KCNK2: variants seen among roughly 807,000 people sequenced by gnomAD.
KCNK2 encodes the protein potassium channel subfamily K member 2.
Under a neutral mutation model 40.5 loss-of-function variants are expected in KCNK2, and 21 were observed. The observed-to-expected ratio is 0.52, with a 90% CI of 0.37 to 0.75. The LOEUF (loss-of-function observed/expected upper bound fraction) is 0.75, where lower values mean the gene tolerates loss of function less well. KCNK2 is among the 30% of genes least tolerant of loss of function. The pLI, the probability that KCNK2 is intolerant of heterozygous loss-of-function variation, is 0.00. For synonymous variants in KCNK2, 191 were observed against 202.2 expected, an observed-to-expected ratio of 0.94 and a Z score of 0.47; for missense variants, 399 against 531.6, an observed-to-expected ratio of 0.75 and a Z score of 2.45.
In KCNK2 at chr1:215,235,308, G is replaced by A. The variant is rs1034755741; in HGVS notation, c.*163G>A. The A allele has an allele frequency of 5.2e-5, 30 of 578,844 alleles. 1 individual carries two copies. In the South Asian group the frequency reaches 5.8e-4, roughly 11 times the overall value. 35.9% of individuals were successfully genotyped at this position (578,844 alleles called of 1,614,324 possible). A position where few individuals can be genotyped will look rare whatever the true frequency, so the allele number is the denominator to read the frequency against. The stretch of plus-strand genomic sequence containing the variant: ...TATCATCAAGAGAATTTGGAATTCT[G>A]AGCCAGCACTTTCTTTCTGATGATG... On this transcript the variant is annotated 3_prime_UTR_variant, in exon 7 of 7. Coordinates refer to ENST00000444842, the MANE Select transcript of KCNK2 (RefSeq NM_001017425.3).
At chr1:215,095,491 GGCACATATT>G (rs1263470427) in intron 2 of KCNK2, among the ~76,000 whole-genome samples, 1 of 152,072 alleles carries the variant, frequency 6.6e-6, no homozygotes, top group Non-Finnish European at 1.5e-5. Context: ...AGTAAATTGA[GGCACATATT>G]GTTTAACCAA....
rs554607027 is a variant in KCNK2 at position 215,015,344 on chromosome 1, C to G, written c.34+9389C>G. Among the ~76,000 whole-genome samples the G allele has an allele frequency of 4.6e-5, 7 of 152,212 alleles. No individual in the cohort carries two copies. The South Asian group carries it at 1.5e-3, about 32-fold the overall frequency. On this transcript the variant is annotated intron_variant, in intron 1 of 6. Coordinates refer to the KCNK2 transcript ENST00000391895. ...TTGTGTGCACTGGCTGTGGTTACCT[C>G]TCTATGGAGTGATTTTTGGTAACCC...
chr1:215,078,155 A>C (rs563994701), upstream of KCNK2, among the ~76,000 whole-genome samples: 2 of 152,300 alleles, frequency 1.3e-5, no homozygotes, highest in South Asian at 2.1e-4. Context: ...ATGTTTTAAG[A>C]AAGTTTATGA....
At chr1:215,051,602 T>G (rs146876483) in intron 1 of KCNK2, among the ~76,000 whole-genome samples, 136 of 152,334 alleles carry the variant, frequency 8.9e-4, no homozygotes, top group African/African-American at 3.1e-3. Flanking sequence ...AAGAGGATGC[T>G]TGACCAGAAA....
intron 3 of KCNK2, among the ~76,000 whole-genome samples, chr1:215,168,452 C>A (rs1663546857): frequency 6.6e-6 from 1 of 152,292 alleles, no homozygotes; most frequent in South Asian, 2.1e-4. Context: ...TGGAACCAAC[C>A]TAAATCCCCA....
intron 3 of KCNK2, among the ~76,000 whole-genome samples, chr1:215,153,854 C>G (rs1662794564): frequency 6.6e-6 from 1 of 151,994 alleles, no homozygotes; most frequent in Non-Finnish European, 1.5e-5. Context: ...GTTTGGTTTT[C>G]TGTTCCCGTG....
intron 1 of KCNK2, among the ~76,000 whole-genome samples, chr1:215,054,842 A>AT (rs970673014): frequency 2.0e-5 from 3 of 152,086 alleles, no homozygotes; most frequent in African/African-American, 7.2e-5. Flanking sequence ...ATTGTTTTTC[A>AT]TTTTTTCTAA....
intron 1 of KCNK2, among the ~76,000 whole-genome samples, chr1:215,035,586 C>A (rs888558274): frequency 6.6e-6 from 1 of 152,034 alleles, no homozygotes; most frequent in Non-Finnish European, 1.5e-5. Flanking sequence ...TTACACAAAT[C>A]ACCTGAGTAG....
chr1:215,057,721 G>T (rs1658218771), intron 1 of KCNK2, among the ~76,000 whole-genome samples: 1 of 152,098 alleles, frequency 6.6e-6, no homozygotes, highest in African/African-American at 2.4e-5. Context: ...GAAGGAGAAG[G>T]GTGCTGTACA....
upstream of KCNK2, among the ~76,000 whole-genome samples, chr1:215,082,346 T>C (rs1271142061): frequency 1.3e-5 from 2 of 152,030 alleles, no homozygotes; most frequent in Non-Finnish European, 2.9e-5. Flanking sequence ...CCTGTACAGG[T>C]CTGGGGGGCC....
At chr1:215,062,728 G>A (rs1204181178) in intron 1 of KCNK2, among the ~76,000 whole-genome samples, 1 of 151,742 alleles carries the variant, frequency 6.6e-6, no homozygotes, top group Non-Finnish European at 1.5e-5. Context: ...GACCACAGAA[G>A]TTTTGTTTAA....
At chr1:215,058,331 G>T (rs1186057710) in intron 1 of KCNK2, among the ~76,000 whole-genome samples, 1 of 152,216 alleles carries the variant, frequency 6.6e-6, no homozygotes, top group Admixed American at 6.5e-5. Context: ...AGCAGGAGCT[G>T]AGAGTTAATT....
At chr1:215,137,868 T>C (rs1661998722) in intron 3 of KCNK2, among the ~76,000 whole-genome samples, 1 of 152,196 alleles carries the variant, frequency 6.6e-6, no homozygotes, top group South Asian at 2.1e-4. Flanking sequence ...ATAAGGTTTG[T>C]GACTCAATTT....
At chr1:215,194,460 CT>C (rs1228591012) in intron 5 of KCNK2, among the ~76,000 whole-genome samples, 1 of 152,156 alleles carries the variant, frequency 6.6e-6, no homozygotes, top group Non-Finnish European at 1.5e-5. Flanking sequence ...GTATTGATGA[CT>C]TTAAAATAAG....
intron 6 of KCNK2, among the ~76,000 whole-genome samples, chr1:215,204,664 C>A (rs2102677302): frequency 6.7e-6 from 1 of 149,004 alleles, no homozygotes; most frequent in African/African-American, 2.4e-5. Context: ...CTAAAAAAAT[C>A]TCATTTTACA....
At chr1:215,171,497 T>C (rs1663708637) in intron 4 of KCNK2, among the ~76,000 whole-genome samples, 1 of 152,164 alleles carries the variant, frequency 6.6e-6, no homozygotes, top group African/African-American at 2.4e-5. Flanking sequence ...AAAAAAACTT[T>C]ATGAAATTAA....
At chr1:215,217,585 C>T (rs954119199) in intron 6 of KCNK2, among the ~76,000 whole-genome samples, 4 of 152,150 alleles carry the variant, frequency 2.6e-5, no homozygotes, top group African/African-American at 7.2e-5. Context: ...ATTCTGGTAA[C>T]TCACTAGATC....
intron 6 of KCNK2, among the ~76,000 whole-genome samples, chr1:215,211,143 T>A (rs768435603): frequency 6.6e-6 from 1 of 152,138 alleles, no homozygotes; most frequent in Non-Finnish European, 1.5e-5. Context: ...AAAGCGAATG[T>A]CTGTAAAGCA....
At chr1:215,109,938 T>C (rs2102561411) in intron 2 of KCNK2, among the ~76,000 whole-genome samples, 1 of 152,246 alleles carries the variant, frequency 6.6e-6, no homozygotes, top group Middle Eastern at 3.4e-3. Flanking sequence ...GTATATCTCA[T>C]TGTGGTTTTA....
Sources: gnomAD v4.1 joint callset for allele counts (sites outside exome capture counted in the v4.1 genomes callset) on GRCh38, gnomAD v4.1.1 for gene constraint, MANE v1.5 for transcripts, NCBI Gene and HGNC (gene_info 2026-07-23, HGNC 2026-07-21) for gene names.